LRIG2: variants seen among roughly 807,000 people sequenced by gnomAD.
LRIG2 encodes the protein leucine-rich repeats and immunoglobulin-like domains protein 2.
Under a neutral mutation model 107.8 loss-of-function variants are expected in LRIG2, and 93 were observed. The ratio of observed to expected loss-of-function variants is 0.86; its 90% CI spans 0.73 to 1.03. The LOEUF is 1.03. LRIG2 is among the 50% of genes least tolerant of loss of function. The probability of loss-of-function intolerance (pLI) is 0.00; values close to 1 mark genes in which losing one functional copy is unlikely to be tolerated. For missense variants in LRIG2, 1,226 were observed against 1,296.0 expected (o/e 0.95, Z 0.83); for synonymous variants, 471 against 470.6 (o/e 1.00, Z -0.01).
chr1:113,079,679 A>AAAAAGAAAAAAAG (rs1184067017), intron 1 of LRIG2, among the ~76,000 whole-genome samples: 1 of 149,486 alleles, frequency 6.7e-6, no homozygotes, highest in Non-Finnish European at 1.5e-5. Flanking sequence ...CTCAAAAAAA[A>AAAAAGAAAAAAAG]AAAAGAAAAA....
At chr1:113,102,089 C>T (rs1229234286) in intron 11 of LRIG2, among the ~76,000 whole-genome samples, 1 of 152,058 alleles carries the variant, frequency 6.6e-6, no homozygotes, top group African/African-American at 2.4e-5. Flanking sequence ...GAACCAGGAC[C>T]TTAATGAAAT....
chr1:113,084,365 G>A (rs1274989092), intron 1 of LRIG2, among the ~76,000 whole-genome samples: 9 of 151,782 alleles, frequency 5.9e-5, no homozygotes, highest in South Asian at 2.1e-4. Flanking sequence ...ACAGGCACCC[G>A]CCACCATGCC....
intron 6 of LRIG2, 45 bp from the exon 7 acceptor site, chr1:113,095,829 G>C (rs1399214943): frequency 1.2e-6 from 2 of 1,609,706 alleles, no homozygotes; most frequent in African/African-American, 2.7e-5. Flanking sequence ...TTATTGAACT[G>C]CCTTGTTTTG....
chr1:113,073,505 C>T lies in LRIG2; in HGVS notation c.99C>T (p.Leu33=), dbSNP rs952735708. Residue 33 remains leucine (L), a synonymous_variant, in exon 1 of 18, where the codon CTC becomes CTT. Coordinates refer to ENST00000361127, the MANE Select transcript of LRIG2 (RefSeq NM_014813.3). ...TCTTCATTGCCCAGACCGCTCTCCT[C>T]CTGTTGCCCGCCGCCGGAGCAGGTC... ...RLLFIAQTAL[L]LLPAAGAGLC... 1.3e-5 allele frequency: 21 copies of T among 1,614,180 alleles called. No individual in the cohort carries two copies. Among genetic ancestry groups the T allele is most frequent in the Non-Finnish European group, 1.8e-5 (21 of 1,179,998 alleles).
At chr1:113,093,168 C>T (rs762458057) in intron 2 of LRIG2, 38 bp from the exon 3 acceptor site, 1 of 1,295,670 alleles carries the variant, frequency 7.7e-7, no homozygotes, top group East Asian at 2.3e-5. Context: ...TAATATTTCC[C>T]TCACTAAACA....
At position 113,124,854 on chromosome 1, in the gene LRIG2, G is replaced by A. The variant is rs1183465843; in HGVS notation, c.*753G>A. ...CACAGATTTTAAATAACTCAATTTAGTGAGATCTAAAAATTTTATTTAAAG... is the reference window on the plus strand; with the variant it reads ...CACAGATTTTAAATAACTCAATTTAATGAGATCTAAAAATTTTATTTAAAG... On this transcript the variant is annotated 3_prime_UTR_variant, in exon 18 of 18. Coordinates refer to ENST00000361127, the MANE Select transcript of LRIG2 (RefSeq NM_014813.3). The A allele has an allele frequency of 6.6e-6, 1 of 152,042 alleles. No homozygotes were observed. The highest frequency in any genetic ancestry group is 1.5e-5 in the Non-Finnish European group (1 of 68,026). 9.4% of individuals were successfully genotyped at this position (152,042 alleles called of 1,614,324 possible).
At chr1:113,082,699 G>A (rs553063643) in intron 1 of LRIG2, among the ~76,000 whole-genome samples, 41 of 152,250 alleles carry the variant, frequency 2.7e-4, no homozygotes, top group African/African-American at 9.6e-4. Context: ...TGTTGCCCAG[G>A]CTGGAGTGCA....
chr1:113,084,285 G>A (rs983332810), intron 1 of LRIG2, among the ~76,000 whole-genome samples: 6 of 141,700 alleles, frequency 4.2e-5, no homozygotes, highest in African/African-American at 1.6e-4. Context: ...GCGCAATCTC[G>A]GCTCACTGCA....
Position 113,126,127 on chromosome 1 carries a change from C to T in LRIG2, c.*2026C>T, listed in dbSNP as rs1249481611. 1 of 152,148 alleles carries T rather than the reference C, an allele frequency of 6.6e-6. No homozygotes were observed. The highest frequency in any genetic ancestry group is 2.4e-5 in the African/African-American group (1 of 41,418). The allele number at this position is 152,148 out of a possible 1,614,324, so 9.4% of individuals were successfully genotyped here. ...AGAACGTTTTCCTGGAAAGGCATTC[C>T]ATGTTCCAAAAGCTACAAAAACATG... On this transcript the variant is annotated 3_prime_UTR_variant, in exon 18 of 18. Coordinates refer to ENST00000361127, the MANE Select transcript of LRIG2 (RefSeq NM_014813.3).
rs1474001428 is a variant in LRIG2, at chr1:113,130,415, AG to A, written c.*6317del. ...GTGTTAAAAGTCTTTAACTACTTAA[AG>A]GGTCATCATGAAAAATAAGAATTCT... is the stretch of plus-strand genomic sequence containing the variant. On this transcript the variant is annotated 3_prime_UTR_variant, in exon 18 of 18. Transcript: ENST00000361127. The A allele has an allele frequency of 1.3e-5, 2 of 152,246 alleles. No homozygotes were observed. Among genetic ancestry groups the A allele is most frequent in the Non-Finnish European group, 2.9e-5 (2 of 68,046 alleles). The allele number at this position is 152,246 out of a possible 1,614,324, so 9.4% of individuals were successfully genotyped here.
chr1:113,131,358 A>G lies in LRIG2; in HGVS notation c.*7257A>G, dbSNP rs567063476. On this transcript the variant is annotated 3_prime_UTR_variant, in exon 18 of 18. Transcript: ENST00000361127. Reference sequence around the variant, plus strand: ...AAGTGTGTCATGGCCTTTTTTAATCATTTTAATATCCCCAGAAATGCTAGA... The same window carrying G: ...AAGTGTGTCATGGCCTTTTTTAATCGTTTTAATATCCCCAGAAATGCTAGA... 77 of 152,308 alleles carry G rather than the reference A, an allele frequency of 5.1e-4. 1 individual carries two copies. Among genetic ancestry groups the G allele is most frequent in the African/African-American group, 1.8e-3 (76 of 41,556 alleles). The allele number at this position is 152,308 out of a possible 1,614,324, so 9.4% of individuals were successfully genotyped here. A position where few individuals can be genotyped will look rare whatever the true frequency, so the allele number is the denominator to read the frequency against.
chr1:113,088,083 T>C lies in LRIG2; in HGVS notation c.240-3235T>C, dbSNP rs79166432. On this transcript the variant is annotated intron_variant, in intron 1 of 17. Transcript: ENST00000361127. ...TTGTACTGATGCTGATGTATATTAGTTGCTTTCTATGATAGTACTGCTTTG... is the reference window on the plus strand; with the variant it reads ...TTGTACTGATGCTGATGTATATTAGCTGCTTTCTATGATAGTACTGCTTTG... Among the ~76,000 whole-genome samples, 441 of 152,350 alleles carry C rather than the reference T, an allele frequency of 2.9e-3. 5 individuals carry two copies. Among genetic ancestry groups the C allele is most frequent in the African/African-American group, 0.01 (425 of 41,586 alleles).
intron 15 of LRIG2, among the ~76,000 whole-genome samples, chr1:113,115,821 C>T (rs1286714710): frequency 2.6e-5 from 4 of 152,150 alleles, no homozygotes; most frequent in Admixed American, 6.5e-5. Flanking sequence ...CCACCACGCC[C>T]GGCCAAACTT....
chr1:113,077,592 T>C (rs999876171), intron 1 of LRIG2, among the ~76,000 whole-genome samples: 3 of 152,208 alleles, frequency 2.0e-5, no homozygotes, highest in Non-Finnish European at 4.4e-5. Context: ...ATTTGTTTCT[T>C]TATAATAGTT....
Position 113,116,452 on chromosome 1 carries a change from T to C in LRIG2, c.2680+16T>C, listed in dbSNP as rs1052183897. 6.3e-7 allele frequency: 1 copy of C among 1,576,572 alleles called. No homozygotes were observed. Among genetic ancestry groups the C allele is most frequent in the Non-Finnish European group, 8.6e-7 (1 of 1,156,116 alleles). ...GGCACTGACGGTAATGACTCTGTTGTTTATGGTTACAATTTCAGCCTATTC... is the reference window on the plus strand; with the variant it reads ...GGCACTGACGGTAATGACTCTGTTGCTTATGGTTACAATTTCAGCCTATTC... On this transcript the variant is annotated intron_variant, in intron 16 of 17. Transcript: ENST00000361127.
At chr1:113,122,392 T>TGTTC (rs1655302317) in intron 17 of LRIG2, among the ~76,000 whole-genome samples, 4 of 152,094 alleles carry the variant, frequency 2.6e-5, no homozygotes, top group Admixed American at 2.0e-4. Context: ...CAGCCTCTAT[T>TGTTC]GTTCTTAAGA....
rs767270309 is a variant in LRIG2, at chr1:113,112,769, A to G, written c.2080+9A>G. On this transcript the variant is annotated intron_variant, in intron 14 of 17. Coordinates refer to ENST00000361127, the MANE Select transcript of LRIG2 (RefSeq NM_014813.3). The stretch of plus-strand genomic sequence containing the variant: ...TTCCCTAACAGTGTTAGGTACGTTT[A>G]CTGCTCCATGGGTCCCTGCTTTTGT... 1 of 1,587,330 alleles carries G rather than the reference A, an allele frequency of 6.3e-7. No homozygotes were observed. Among genetic ancestry groups the G allele is most frequent in the Non-Finnish European group, 8.6e-7 (1 of 1,159,500 alleles).
Position 113,094,593 on chromosome 1 carries a change from A to G in LRIG2, c.660-19A>G, listed in dbSNP as rs371381916. On this transcript the variant is annotated intron_variant, in intron 5 of 17. Transcript: ENST00000361127. ...TTTAGCAAACCAATTTCCTGACTGT[A>G]AAACTATTTTTGTTAAAGGGAACTT... The G allele has an allele frequency of 3.7e-6, 6 of 1,605,948 alleles. No individual in the cohort carries two copies. The highest frequency in any genetic ancestry group is 3.4e-5 in the Admixed American group (2 of 58,744).
intron 1 of LRIG2, among the ~76,000 whole-genome samples, chr1:113,085,281 TTTTG>T (rs72283459): frequency 0.36 from 54,364 of 151,604 alleles, 10,089 homozygotes; most frequent in East Asian, 0.64. Context: ...ATTCTTGTTT[TTTTG>T]TTTGTTTGTT....
Sources: allele counts gnomAD v4.1 joint callset (sites outside exome capture counted in the v4.1 genomes callset), GRCh38; gene constraint gnomAD v4.1.1; transcripts MANE v1.5; gene names NCBI Gene and HGNC (gene_info 2026-07-23, HGNC 2026-07-21).